PTPRD: variants seen among roughly 807,000 people sequenced by gnomAD.
The protein encoded by PTPRD is protein tyrosine phosphatase receptor type D.
A neutral mutation model predicts 214.5 loss-of-function variants in PTPRD; 34 were observed. The observed-to-expected ratio is 0.16, with a 90% CI of 0.12 to 0.21. PTPRD has a LOEUF of 0.21. Among genes scored for constraint, PTPRD ranks in the 10% least tolerant of loss-of-function variants. PTPRD has a pLI of 1.00. For missense variants in PTPRD, 2,545 were observed against 2,398.7 expected (o/e 1.06, Z -1.27); for synonymous variants, 1,128 against 845.7 (o/e 1.33, Z -5.79).
intron 5 of PTPRD, among the ~76,000 whole-genome samples, chr9:9,782,856 T>C (rs1374555926): frequency 1.3e-5 from 2 of 152,210 alleles, no homozygotes; most frequent in Non-Finnish European, 2.9e-5. Context: ...TGTTTTGTGA[T>C]TGGATACATC....
chr9:9,420,065 A>G (rs2078222869), intron 8 of PTPRD, among the ~76,000 whole-genome samples: 1 of 150,324 alleles, frequency 6.7e-6, no homozygotes, highest in South Asian at 2.1e-4. Flanking sequence ...ACCAAGTTAA[A>G]CTGATCTTTT....
chr9:10,229,618 C>G (rs1013393244), intron 3 of PTPRD, among the ~76,000 whole-genome samples: 2 of 150,836 alleles, frequency 1.3e-5, no homozygotes, highest in African/African-American at 4.9e-5. Flanking sequence ...AACCAAACAC[C>G]GCATGTTCTC....
intron 11 of PTPRD, chr9:8,861,395 A>G (rs1340804119): frequency 6.6e-6 from 1 of 152,198 alleles, no homozygotes; most frequent in Non-Finnish European, 1.5e-5. Flanking sequence ...AGGAAAAAAC[A>G]CAGAGTGCAT....
At chr9:8,510,329 CAT>C (rs1004484132) in intron 21 of PTPRD, among the ~76,000 whole-genome samples, 21 of 151,842 alleles carry the variant, frequency 1.4e-4, no homozygotes, top group Non-Finnish European at 2.1e-4. Context: ...ATAAAATAAA[CAT>C]GTGGTGCGAA....
intron 2 of PTPRD, among the ~76,000 whole-genome samples, chr9:10,521,334 G>A (rs1314862258): frequency 6.6e-6 from 1 of 152,082 alleles, no homozygotes; most frequent in African/African-American, 2.4e-5. Context: ...CTGAATTGCT[G>A]GAATGTCACG....
At chr9:8,897,213 A>G (rs59776888) in intron 11 of PTPRD, among the ~76,000 whole-genome samples, 16,003 of 152,240 alleles carry the variant, frequency 0.11, 2,723 homozygotes, top group African/African-American at 0.36. Flanking sequence ...TGAAGGGAAT[A>G]TCGAACAAGC....
intron 39 of PTPRD, among the ~76,000 whole-genome samples, chr9:8,360,318 G>T (rs1178751501): frequency 6.6e-6 from 1 of 152,122 alleles, no homozygotes; most frequent in Non-Finnish European, 1.5e-5. Flanking sequence ...ACTGTTTGCT[G>T]TTGATATTAA....
intron 2 of PTPRD, among the ~76,000 whole-genome samples, chr9:10,553,438 C>A (rs1007782454): frequency 1.3e-5 from 2 of 151,878 alleles, no homozygotes; most frequent in African/African-American, 4.8e-5. Context: ...AAATTCTCAT[C>A]CCTGAGTTGT....
chr9:9,244,132 A>C (rs1034218838), intron 9 of PTPRD, among the ~76,000 whole-genome samples: 3 of 152,182 alleles, frequency 2.0e-5, no homozygotes, highest in African/African-American at 7.2e-5. Flanking sequence ...CTACAAAATA[A>C]AAGAGGATAC....
rs140009977 is a variant in PTPRD, at chr9:10,231,987, A to G, written c.-545+108976T>C. Among the ~76,000 whole-genome samples the G allele has an allele frequency of 9.2e-5, 9 of 97,722 alleles. No homozygotes were observed. In the Admixed American group the frequency reaches 1.0e-3, roughly 11 times the overall value. The allele number at this position is 97,722 out of a possible 152,430, so 64.1% of individuals were successfully genotyped here. On this transcript the variant is annotated intron_variant, in intron 3 of 45. Transcript: ENST00000381196. ...GAGAGAGAGAGAGAGAGAGAGAGAG[A>G]GAGTGTGTGTGTGTGTGTGTGTGTG...
chr9:10,501,857 A>G (rs1296077491), intron 2 of PTPRD, among the ~76,000 whole-genome samples: 1 of 151,980 alleles, frequency 6.6e-6, no homozygotes, highest in African/African-American at 2.4e-5. Context: ...CAATTCTGGA[A>G]GCACATTAGA....
At chr9:8,955,152 A>T (rs1223803707) in intron 11 of PTPRD, among the ~76,000 whole-genome samples, 2 of 151,944 alleles carry the variant, frequency 1.3e-5, no homozygotes, top group Non-Finnish European at 1.5e-5. Context: ...CTCTTAAAAA[A>T]TATGAAGAGC....
At chr9:9,663,495 C>T (rs985650142) in intron 7 of PTPRD, among the ~76,000 whole-genome samples, 12 of 151,350 alleles carry the variant, frequency 7.9e-5, no homozygotes, top group African/African-American at 2.9e-4. Flanking sequence ...TTTTGTCTGT[C>T]TTCTCATTGG....
intron 7 of PTPRD, among the ~76,000 whole-genome samples, chr9:9,591,863 T>C (rs1049181929): frequency 1.3e-5 from 2 of 152,000 alleles, no homozygotes; most frequent in African/African-American, 4.8e-5. Flanking sequence ...ATACAATACA[T>C]TGTCAACTAT....
chr9:10,550,159 A>G (rs1472707439), intron 2 of PTPRD, among the ~76,000 whole-genome samples: 1 of 152,234 alleles, frequency 6.6e-6, no homozygotes, highest in Non-Finnish European at 1.5e-5. Context: ...CCCATTGCTA[A>G]TCAATTTCCT....
chr9:10,190,718 CAAAAAAAAAA>C (rs57891244), intron 3 of PTPRD, among the ~76,000 whole-genome samples: 1 of 44,214 alleles, frequency 2.3e-5, no homozygotes, highest in Non-Finnish European at 4.3e-5. Context: ...AACTCTGTCT[CAAAAAAAAAA>C]AAAAAAAAAA....
chr9:8,760,708 T>C (rs1390340222), intron 11 of PTPRD, among the ~76,000 whole-genome samples: 4 of 152,054 alleles, frequency 2.6e-5, no homozygotes, highest in African/African-American at 9.7e-5. Flanking sequence ...TTAATGGGAA[T>C]GTATATCTCC....
chr9:9,815,385 TTAAATATGAGAA>T, intron 5 of PTPRD, among the ~76,000 whole-genome samples: 2 of 152,142 alleles, frequency 1.3e-5, no homozygotes, highest in African/African-American at 2.4e-5. Context: ...GATTAAATAC[TTAAATATGAGAA>T]CTAAAGCTAT....
intron 7 of PTPRD, among the ~76,000 whole-genome samples, chr9:9,633,218 C>T (rs147287691): frequency 1.2e-3 from 178 of 151,936 alleles, no homozygotes; most frequent in Non-Finnish European, 2.2e-3. Flanking sequence ...TCACTTGAAC[C>T]TGGGAGGCGG....
Sources: gnomAD v4.1 joint callset for allele counts (sites outside exome capture counted in the v4.1 genomes callset) on GRCh38, gnomAD v4.1.1 for gene constraint, MANE v1.5 for transcripts, NCBI Gene and HGNC (gene_info 2026-07-23, HGNC 2026-07-21) for gene names.